TRIM8: variants seen among roughly 807,000 people sequenced by gnomAD.
TRIM8 encodes E3 ubiquitin-protein ligase TRIM8.
A neutral mutation model predicts 55.7 loss-of-function variants in TRIM8; 9 were observed. The observed-to-expected ratio is 0.16, with a 90% CI of 0.10 to 0.28. The LOEUF (loss-of-function observed/expected upper bound fraction) is 0.28. TRIM8 is among the 10% of genes least tolerant of loss of function. TRIM8 has a pLI of 1.00. For synonymous variants in TRIM8, 335 were observed against 333.3 expected, an observed-to-expected ratio of 1.01 and a Z score of -0.06; for missense variants, 556 against 736.4, an observed-to-expected ratio of 0.76 and a Z score of 2.83.
intron 1 of TRIM8, chr10:102,649,204 C>T (rs2063961417): frequency 6.6e-6 from 1 of 152,270 alleles, no homozygotes; most frequent in African/African-American, 2.4e-5. Context: ...TTGCTGAGCG[C>T]CTGCGAGTTG....
chr10:102,649,020 G>T (rs1162493778), intron 1 of TRIM8, among the ~76,000 whole-genome samples: 1 of 130,072 alleles, frequency 7.7e-6, no homozygotes, highest in Non-Finnish European at 1.6e-5. Flanking sequence ...CTGCACATCT[G>T]TGTCTGTCTG....
intron 1 of TRIM8, among the ~76,000 whole-genome samples, chr10:102,648,418 C>T (rs562712661): frequency 2.1e-4 from 32 of 152,282 alleles, no homozygotes; most frequent in African/African-American, 7.5e-4. Context: ...TGCATCGTCC[C>T]TGGTGTCCCA....
At chr10:102,654,780 G>C (rs1182161897) in intron 2 of TRIM8, 32 bp downstream of exon 2, 1 of 1,556,092 alleles carries the variant, frequency 6.4e-7, no homozygotes, top group African/African-American at 1.4e-5. Flanking sequence ...CTGCGGGGTG[G>C]GGGTGGCTTG....
At position 102,648,018 on chromosome 10, in the gene TRIM8, T is replaced by G. The variant is rs141318718; in HGVS notation, c.570+2831T>G. ...GCAGGTTGTTGCCCTAATCTTCCCT[T>G]GGGAAGCCAGTGTGTCGGCCACATT... On this transcript the variant is annotated intron_variant, in intron 1 of 5. Transcript: ENST00000643721. Among the ~76,000 whole-genome samples, 519 of 152,304 alleles carry G rather than the reference T, an allele frequency of 3.4e-3. 2 individuals are homozygous for G. Among genetic ancestry groups the G allele is most frequent in the Admixed American group, 0.01 (160 of 15,306 alleles).
intron 1 of TRIM8, among the ~76,000 whole-genome samples, chr10:102,646,359 G>C (rs996450492): frequency 2.6e-5 from 4 of 152,188 alleles, no homozygotes; most frequent in African/African-American, 4.8e-5. Flanking sequence ...GTGTCTCTGG[G>C]TGGGGATCCC....
At chr10:102,651,527 C>T (rs2063984796) in intron 1 of TRIM8, among the ~76,000 whole-genome samples, 1 of 152,248 alleles carries the variant, frequency 6.6e-6, no homozygotes. Flanking sequence ...TACCCCTCCC[C>T]TGGGACTCAC....
intron 1 of TRIM8, among the ~76,000 whole-genome samples, chr10:102,646,083 C>T (rs1049661355): frequency 6.6e-6 from 1 of 152,148 alleles, no homozygotes; most frequent in Non-Finnish European, 1.5e-5. Context: ...ATTGTATACA[C>T]CCTGCGGCCG....
Position 102,645,243 on chromosome 10 carries a change from C to T in TRIM8, c.570+56C>T, listed in dbSNP as rs1047975299. 17 of 1,439,890 alleles carry T rather than the reference C, an allele frequency of 1.2e-5. 1 individual carries two copies. Among genetic ancestry groups the T allele is most frequent in the African/African-American group, 4.4e-5 (3 of 67,834 alleles). 89.2% of individuals were successfully genotyped at this position (1,439,890 alleles called of 1,614,324 possible). A position where few individuals can be genotyped will look rare whatever the true frequency, so the allele number is the denominator to read the frequency against. ...CACACACACAGACACACAGTCCCTT[C>T]CTCTCTCCCGCCCCGGGACCACCCA... On this transcript the variant is annotated intron_variant, in intron 1 of 5. Transcript: ENST00000643721.
At chr10:102,654,803 T>C (rs1403717088) in intron 2 of TRIM8, 55 bp downstream of exon 2, 1 of 1,320,372 alleles carries the variant, frequency 7.6e-7, no homozygotes, top group Non-Finnish European at 1.1e-6. Flanking sequence ...CGCAGGGCTT[T>C]GGGTGAGTTC....
chr10:102,657,454 C>G lies in TRIM8; in HGVS notation c.*100C>G, dbSNP rs927597430. ...CTGCCCTTCTACCTTCCTCGCCTCC[C>G]CTCTTCCTCATTCCATTGCCCCAGG... is the stretch of plus-strand genomic sequence containing the variant. On this transcript the variant is annotated 3_prime_UTR_variant, in exon 6 of 6. Coordinates refer to ENST00000643721, the MANE Select transcript of TRIM8 (RefSeq NM_030912.3). 6 of 1,384,076 alleles carry G rather than the reference C, an allele frequency of 4.3e-6. No individual in the cohort carries two copies. In the African/African-American group the frequency reaches 8.7e-5, roughly 20 times the overall value. 85.7% of individuals were successfully genotyped at this position (1,384,076 alleles called of 1,614,324 possible). A position where few individuals can be genotyped will look rare whatever the true frequency, so the allele number is the denominator to read the frequency against.
Position 102,657,047 on chromosome 10 carries a change from C to T in TRIM8, c.1349C>T (p.Ser450Phe). The T allele has an allele frequency of 6.2e-7, 1 of 1,613,186 alleles. No individual in the cohort carries two copies. The highest frequency in any genetic ancestry group is 8.5e-7 in the Non-Finnish European group (1 of 1,179,974). Residue 450 changes from serine (S) to phenylalanine (F), a missense_variant, in exon 6 of 6, where the codon TCC becomes TTC. Ser to Phe is a radical substitution (Grantham distance 155). Transcript: ENST00000643721. The stretch of plus-strand genomic sequence containing the variant: ...CCCCCATCGCAGTATCCCAATGGCT[C>T]CGCCGCCCAGCAGCCCATGCTCCCC... ...VFPPSQYPNG[S>F]AAQQPMLPQY...
intron 1 of TRIM8, among the ~76,000 whole-genome samples, chr10:102,650,913 G>T (rs1375240311): frequency 6.6e-6 from 1 of 152,166 alleles, no homozygotes; most frequent in Admixed American, 6.5e-5. Flanking sequence ...GTGAACTGGG[G>T]TGGGGTCGTG....
At position 102,656,441 on chromosome 10, in the gene TRIM8, C is replaced by A; in HGVS notation, c.1048+56C>A. 6.4e-7 allele frequency: 1 copy of A among 1,561,664 alleles called. No individual in the cohort carries two copies. Among genetic ancestry groups the A allele is most frequent in the Admixed American group, 1.9e-5 (1 of 53,090 alleles). ...CAGGGACCTTTGGGGAGGGGTTCAG[C>A]GCCACAGCCTTCCCTCCAAGAGGCA... On this transcript the variant is annotated intron_variant, in intron 5 of 5. Coordinates refer to ENST00000643721, the MANE Select transcript of TRIM8 (RefSeq NM_030912.3). The surrounding 1 kb of genome is among the most constrained non-coding windows in gnomAD (Gnocchi z 4.6).
chr10:102,644,519 G>A lies in TRIM8; in HGVS notation c.-99G>A. 8.4e-7 allele frequency: 1 copy of A among 1,194,736 alleles called. No homozygotes were observed. Among genetic ancestry groups the A allele is most frequent in the Non-Finnish European group, 1.1e-6 (1 of 880,550 alleles). The allele number at this position is 1,194,736 out of a possible 1,614,324, so 74.0% of individuals were successfully genotyped here. On this transcript the variant is annotated 5_prime_UTR_variant, in exon 1 of 6. Coordinates refer to ENST00000643721, the MANE Select transcript of TRIM8 (RefSeq NM_030912.3). Reference sequence around the variant, plus strand: ...TGAGCGACCGTCGGGGCCGGCTGGGGCCGGAGCTCGGGGCTCGGTGGGCCT... The same window carrying A: ...TGAGCGACCGTCGGGGCCGGCTGGGACCGGAGCTCGGGGCTCGGTGGGCCT...
chr10:102,656,204 CG>C lies in TRIM8; in HGVS notation c.933-62del, dbSNP rs2064023064. The C allele has an allele frequency of 6.2e-7, 1 of 1,614,028 alleles. No homozygotes were observed. The highest frequency in any genetic ancestry group is 2.2e-5 in the East Asian group (1 of 44,872). The stretch of plus-strand genomic sequence containing the variant: ...GAGGGCAGGGGGGCCAGGCCCATGG[CG>C]GGGAGGTAGGGCGGGCTCACCGGTG... On this transcript the variant is annotated intron_variant, in intron 4 of 5. Transcript: ENST00000643721. This position sits in a 1 kb window ranked among gnomAD's most constrained non-coding sequence, Gnocchi z 4.6.
chr10:102,645,134 G>A lies in TRIM8; in HGVS notation c.517G>A (p.Ala173Thr). Reference sequence around the variant, plus strand: ...CCAGTACTGCTGCTACTACAGCGGCGCGCATCAGGGACACTCGGTGTGCGA... The same window carrying A: ...CCAGTACTGCTGCTACTACAGCGGCACGCATCAGGGACACTCGGTGTGCGA... ...VCQYCCYYSG[A>T]HQGHSVCDVE... Residue 173 changes from alanine to threonine, a missense_variant, in exon 1 of 6, where the codon GCG becomes ACG. Physicochemically the swap from Ala to Thr is moderately conservative, Grantham distance 58. Coordinates refer to ENST00000643721, the MANE Select transcript of TRIM8 (RefSeq NM_030912.3). 1 of 1,582,908 alleles carries A rather than the reference G, an allele frequency of 6.3e-7. No homozygotes were observed. Among genetic ancestry groups the A allele is most frequent in the Non-Finnish European group, 8.5e-7 (1 of 1,172,446 alleles).
In TRIM8 at chr10:102,654,901, G is replaced by T. The variant is rs903114385; in HGVS notation, c.666+153G>T. On this transcript the variant is annotated intron_variant, in intron 2 of 5. Transcript: ENST00000643721. Reference sequence around the variant, plus strand: ...GCCCGTGGATGCCCACTGGTGCCAGGGGATGCTGGCCCAGAGCCCTGTGCT... The same window carrying T: ...GCCCGTGGATGCCCACTGGTGCCAGTGGATGCTGGCCCAGAGCCCTGTGCT... The T allele has an allele frequency of 5.4e-6, 5 of 918,522 alleles. No homozygotes were observed. In the East Asian group the frequency reaches 1.3e-4, roughly 24 times the overall value. The allele number at this position is 918,522 out of a possible 1,614,324, so 56.9% of individuals were successfully genotyped here.
At chr10:102,647,129 G>A (rs2063942763) in intron 1 of TRIM8, among the ~76,000 whole-genome samples, 1 of 152,242 alleles carries the variant, frequency 6.6e-6, no homozygotes, top group African/African-American at 2.4e-5. Context: ...TGCATGCAGA[G>A]TATTCCCTGG....
intron 2 of TRIM8, 113 bp downstream of exon 2, chr10:102,654,861 G>A: frequency 3.1e-6 from 3 of 962,792 alleles, no homozygotes; most frequent in Admixed American, 3.6e-5. Context: ...CACTCCATCA[G>A]TCATTCAATC....
Sources: allele counts gnomAD v4.1 joint callset (sites outside exome capture counted in the v4.1 genomes callset), GRCh38; gene constraint gnomAD v4.1.1; non-coding constraint Gnocchi (gnomAD v3.1); transcripts MANE v1.5; gene names NCBI Gene and HGNC (gene_info 2026-07-23, HGNC 2026-07-21).